DNAH12: variants seen among roughly 807,000 people sequenced by gnomAD.
The protein encoded by DNAH12 is axonemal beta dynein heavy chain 12.
DNAH12 carries 285 observed loss-of-function variants against 371.5 expected under a neutral mutation model. The ratio of observed to expected loss-of-function variants is 0.77; its 90% CI spans 0.70 to 0.85. The LOEUF is 0.85. Among genes scored for constraint, DNAH12 ranks in the 40% least tolerant of loss-of-function variants. The pLI is 0.00. For synonymous variants in DNAH12, 1,200 were observed against 1,213.0 expected (o/e 0.99, Z 0.22); for missense variants, 3,611 against 3,689.4 (o/e 0.98, Z 0.55).
chr3:57,384,008 T>G (rs2063451115), intron 49 of DNAH12, among the ~76,000 whole-genome samples: 1 of 152,072 alleles, frequency 6.6e-6, no homozygotes, highest in Non-Finnish European at 1.5e-5. Flanking sequence ...GAAACAGTAT[T>G]GATTAGGAAA....
intron 11 of DNAH12, among the ~76,000 whole-genome samples, chr3:57,499,151 T>C (rs947287363): frequency 2.6e-5 from 4 of 152,132 alleles, no homozygotes; most frequent in Non-Finnish European, 5.9e-5. Flanking sequence ...TCTGAAACTT[T>C]AGAAAACAAA....
chr3:57,478,996 C>T (rs140872360), intron 13 of DNAH12, among the ~76,000 whole-genome samples: 3 of 152,128 alleles, frequency 2.0e-5, no homozygotes, highest in Non-Finnish European at 4.4e-5. Flanking sequence ...ACCATCGAGG[C>T]TAGGAAGAAA....
chr3:57,352,404 T>C (rs192337967), intron 59 of DNAH12, among the ~76,000 whole-genome samples, 179 bp from the exon 60 acceptor site: 1 of 152,236 alleles, frequency 6.6e-6, no homozygotes, highest in East Asian at 1.9e-4. Context: ...GTTGTAGCAA[T>C]GTCAGTTTCT....
chr3:57,305,288 G>A (rs1019175646), intron 69 of DNAH12, among the ~76,000 whole-genome samples: 38 of 151,518 alleles, frequency 2.5e-4, no homozygotes, highest in Middle Eastern at 3.4e-3. Flanking sequence ...CCCAAGCGTC[G>A]CTGAGTCTTT....
intron 67 of DNAH12, among the ~76,000 whole-genome samples, 175 bp downstream of exon 67, chr3:57,310,542 A>C (rs2061563349): frequency 1.3e-5 from 2 of 152,228 alleles, no homozygotes; most frequent in African/African-American, 4.8e-5. Context: ...AATCAACATC[A>C]AATAATGGAA....
intron 69 of DNAH12, among the ~76,000 whole-genome samples, chr3:57,302,710 A>G (rs978620576): frequency 4.1e-5 from 6 of 147,492 alleles, no homozygotes; most frequent in Admixed American, 3.4e-4. Context: ...TGCGTAACTG[A>G]GATTGCAGGC....
Position 57,353,636 on chromosome 3 carries a change from A to G in DNAH12, c.9534-1411T>C, listed in dbSNP as rs985576989. Among the ~76,000 whole-genome samples, 203 of 152,338 alleles carry G rather than the reference A, an allele frequency of 1.3e-3. 2 individuals carry two copies. The East Asian group carries it at 0.033, about 25-fold the overall frequency. On this transcript the variant is annotated intron_variant, in intron 59 of 73. Coordinates refer to ENST00000495027, the MANE Select transcript of DNAH12 (RefSeq NM_001366028.2). The stretch of plus-strand genomic sequence containing the variant: ...ATATTTTCAAACTGTACATCTGACA[A>G]AGATCTAATATCCAAAATCTGTAAG...
intron 2 of DNAH12, among the ~76,000 whole-genome samples, chr3:57,534,909 A>G (rs949874368): frequency 9.9e-5 from 15 of 152,236 alleles, no homozygotes; most frequent in Middle Eastern, 3.4e-3. Context: ...TTCTTTGTTC[A>G]TGTTTACTTA....
intron 2 of DNAH12, among the ~76,000 whole-genome samples, chr3:57,529,944 T>C (rs2068783647): frequency 2.6e-5 from 4 of 152,134 alleles, no homozygotes. Flanking sequence ...TCCATTATCA[T>C]TTGTTTCAAG....
chr3:57,398,946 T>TA (rs1341607894), intron 43 of DNAH12, among the ~76,000 whole-genome samples: 2 of 152,100 alleles, frequency 1.3e-5, no homozygotes, highest in Admixed American at 6.5e-5. Context: ...CTTTTAATTC[T>TA]AAAAAACAAA....
In DNAH12 at chr3:57,405,759, T is replaced by C. The variant is rs1553680951; in HGVS notation, c.6470A>G (p.Asp2157Gly). The part of the protein sequence containing the change: ...LRVFYDRLIN[D>G]DDRRWLFQLT... ...CTGGAACAGCCATCTTCGATCATCA[T>C]CATTAATGAGGCGATCATAAAACAC... Residue 2157 changes from aspartate (D) to glycine (G), a missense_variant, in exon 41 of 74, where the codon GAT becomes GGT. Asp to Gly is a moderately conservative substitution (Grantham distance 94). Around this residue, in one of 3 missense-constraint regions of DNAH12, gnomAD observed 2,266 missense variants for 2,236.9 expected, o/e 1.01. Coordinates refer to ENST00000495027, the MANE Select transcript of DNAH12 (RefSeq NM_001366028.2). 1 of 1,551,686 alleles carries C rather than the reference T, an allele frequency of 6.4e-7. No homozygotes were observed.
intron 50 of DNAH12, among the ~76,000 whole-genome samples, 197 bp downstream of exon 50, chr3:57,382,065 A>C (rs1237804942): frequency 3.3e-5 from 5 of 152,192 alleles, no homozygotes; most frequent in African/African-American, 9.6e-5. Flanking sequence ...ACGGGGTTTC[A>C]CCAGGTTAGC....
chr3:57,468,109 G>C (rs976327339), intron 17 of DNAH12, among the ~76,000 whole-genome samples: 1 of 152,132 alleles, frequency 6.6e-6, no homozygotes, highest in Non-Finnish European at 1.5e-5. Context: ...GCTTGACCAA[G>C]AGGCTGAGGC....
intron 25 of DNAH12, among the ~76,000 whole-genome samples, chr3:57,451,822 C>T (rs955841587): frequency 1.3e-5 from 2 of 152,026 alleles, no homozygotes; most frequent in Non-Finnish European, 1.5e-5. Flanking sequence ...CAGGGATGGG[C>T]GTGCTCCTAA....
At chr3:57,415,592 C>CA (rs1168338896) in intron 37 of DNAH12, 28 bp from the exon 38 acceptor site, 4 of 1,499,310 alleles carry the variant, frequency 2.7e-6, no homozygotes, top group Non-Finnish European at 3.5e-6. Flanking sequence ...ATATATTATT[C>CA]AAAATGGAAA....
intron 57 of DNAH12, among the ~76,000 whole-genome samples, chr3:57,365,526 T>C (rs1246415519): frequency 6.6e-6 from 1 of 152,214 alleles, no homozygotes; most frequent in African/African-American, 2.4e-5. Flanking sequence ...ACCTAGGTGA[T>C]GGGTTGATAA....
chr3:57,526,581 T>G (rs2068654561), intron 2 of DNAH12, among the ~76,000 whole-genome samples: 1 of 144,388 alleles, frequency 6.9e-6, no homozygotes, highest in Admixed American at 7.4e-5. Flanking sequence ...CAGGCTGGAG[T>G]GTGGTGGCGT....
At chr3:57,533,871 T>C (rs945160447) in intron 2 of DNAH12, among the ~76,000 whole-genome samples, 1 of 152,220 alleles carries the variant, frequency 6.6e-6, no homozygotes, top group Non-Finnish European at 1.5e-5. Flanking sequence ...TGCTGGTGTC[T>C]CAGTAGGTCA....
the DNAH12 span, among the ~76,000 whole-genome samples, chr3:57,552,203 C>A: frequency 2.0e-5 from 3 of 150,916 alleles, no homozygotes; most frequent in Non-Finnish European, 2.9e-5. Context: ...CGAGATCACG[C>A]CACTGCACTC....
Sources: gnomAD v4.1 joint callset for allele counts (sites outside exome capture counted in the v4.1 genomes callset) on GRCh38, gnomAD v4.1.1 for gene constraint, gnomAD v4.1.1 regional missense constraint, MANE v1.5 for transcripts, NCBI Gene and HGNC (gene_info 2026-07-23, HGNC 2026-07-21) for gene names.